The following LRRC10 variants were observed in gnomAD, a reference collection of about 807,000 sequenced individuals.
The protein encoded by LRRC10 is leucine rich repeat containing 10, also known as leucine-rich repeat-containing protein 10.
In LRRC10, 6 loss-of-function variants were observed where a neutral mutation model predicts 11.1. The observed-to-expected ratio is 0.54, with a 90% CI of 0.30 to 1.07. LRRC10 has a LOEUF of 1.07. LRRC10 is among the 50% of genes least tolerant of loss of function. The pLI is 0.07. For missense variants in LRRC10, 320 were observed against 355.5 expected (o/e 0.90, Z 0.80); for synonymous variants, 145 against 153.6 (o/e 0.94, Z 0.41).
Position 69,610,368 on chromosome 12 carries a change from ACG to A in LRRC10, c.469_470del (p.Arg157PhefsTer24). On this transcript the variant is annotated frameshift_variant, in exon 1 of 1. Coordinates refer to ENST00000361484, the MANE Select transcript of LRRC10 (RefSeq NM_201550.4). LOFTEE classifies it high-confidence loss of function. The stretch of plus-strand genomic sequence containing the variant: ...GGCGCCGGAGCTGGCCTGGCAGCAA[ACG>A]CAGGGCGTTGGAGCCGGCATGCAGA... ...KTLHAGSNALRLLPGQLRRLQ... is the reference protein window; with the variant it reads ...KTLHAGSNALXLLPGQLRRLQ... The A allele has an allele frequency of 6.2e-7, 1 of 1,613,498 alleles. No homozygotes were observed. The highest frequency in any genetic ancestry group is 8.5e-7 in the Non-Finnish European group (1 of 1,179,720).
Position 69,609,941 on chromosome 12 carries a change from A to G in LRRC10, c.*64T>C. On this transcript the variant is annotated 3_prime_UTR_variant, in exon 1 of 1. Transcript: ENST00000361484. ...GACCCAGAGCCATCCTTTCCACTCCAATGGAGAGGCTTCCAGAACATGCTG... is the reference window on the plus strand; with the variant it reads ...GACCCAGAGCCATCCTTTCCACTCCGATGGAGAGGCTTCCAGAACATGCTG... 6.6e-7 allele frequency: 1 copy of G among 1,512,664 alleles called. No individual in the cohort carries two copies. Among genetic ancestry groups the G allele is most frequent in the Non-Finnish European group, 9.0e-7 (1 of 1,107,398 alleles). The allele number at this position is 1,512,664 out of a possible 1,614,324, so 93.7% of individuals were successfully genotyped here.
In LRRC10 at chr12:69,610,064, T is replaced by C. The variant is rs959278546; in HGVS notation, c.775A>G (p.Arg259Gly). 2.5e-6 allele frequency: 4 copies of C among 1,614,144 alleles called. No individual in the cohort carries two copies. Among genetic ancestry groups the C allele is most frequent in the African/African-American group, 2.7e-5 (2 of 74,948 alleles). ...PRKARRYALVREESQELQAPV... is the reference protein window; with the variant it reads ...PRKARRYALVGEESQELQAPV... Reference sequence around the variant, plus strand: ...GCCTGTAGCTCCTGGCTTTCCTCTCTGACCAACGCATAGCGCCTGGCTTTT... The same window carrying C: ...GCCTGTAGCTCCTGGCTTTCCTCTCCGACCAACGCATAGCGCCTGGCTTTT... Residue 259 changes from arginine (R) to glycine (G), a missense_variant, in exon 1 of 1, where the codon AGA becomes GGA. Coordinates refer to ENST00000361484, the MANE Select transcript of LRRC10 (RefSeq NM_201550.4).
At position 69,610,206 on chromosome 12, in the gene LRRC10, C is replaced by G; in HGVS notation, c.633G>C (p.Leu211=). ...CATAGATGACCAGCTTCAGACTTGA[C>G]AGGTGCGCCAGGCTGGGGAAGTAAC... The part of the protein sequence containing the change: ...SIRYFPSLAH[L]SSLKLVIYDH... Residue 211 remains leucine, a synonymous_variant, in exon 1 of 1, where the codon CTG becomes CTC. Transcript: ENST00000361484. The G allele has an allele frequency of 6.2e-7, 1 of 1,614,224 alleles. No homozygotes were observed. The highest frequency in any genetic ancestry group is 8.5e-7 in the Non-Finnish European group (1 of 1,180,048).
chr12:69,610,026 T>C lies in LRRC10; in HGVS notation c.813A>G (p.Leu271=), dbSNP rs550818805. 2 of 1,614,142 alleles carry C rather than the reference T, an allele frequency of 1.2e-6. No homozygotes were observed. The highest frequency in any genetic ancestry group is 2.7e-5 in the African/African-American group (2 of 75,046). Reference sequence around the variant, plus strand: ...CTCCTCAGGAGTTGGTAGGAGGAAGTAGAGGGACTGGTGCCTGTAGCTCCT... The same window carrying C: ...CTCCTCAGGAGTTGGTAGGAGGAAGCAGAGGGACTGGTGCCTGTAGCTCCT... The part of the protein sequence containing the change: ...ESQELQAPVP[L]LPPTNS The change falls in exon 1 of 1, where the codon CTA becomes CTG. Residue 271 remains leucine, a synonymous_variant. Transcript: ENST00000361484.
Position 69,610,218 on chromosome 12 carries a change from G to T in LRRC10, c.621C>A (p.Ser207Arg). Residue 207 changes from serine to arginine, a missense_variant, in exon 1 of 1, where the codon AGC becomes AGA. Coordinates refer to ENST00000361484, the MANE Select transcript of LRRC10 (RefSeq NM_201550.4). ...VDWNSIRYFP[S>R]LAHLSSLKLV... ...GCTTCAGACTTGACAGGTGCGCCAGGCTGGGGAAGTAACGGATGCTGTTCC... is the reference window on the plus strand; with the variant it reads ...GCTTCAGACTTGACAGGTGCGCCAGTCTGGGGAAGTAACGGATGCTGTTCC... The T allele has an allele frequency of 6.2e-7, 1 of 1,614,228 alleles. No individual in the cohort carries two copies. Among genetic ancestry groups the T allele is most frequent in the Non-Finnish European group, 8.5e-7 (1 of 1,180,040 alleles).
In LRRC10 at chr12:69,610,121, A is replaced by G. The variant is rs1278027435; in HGVS notation, c.718T>C (p.Trp240Arg). 1.2e-6 allele frequency: 2 copies of G among 1,614,032 alleles called. No homozygotes were observed. Among genetic ancestry groups the G allele is most frequent in the Admixed American group, 1.7e-5 (1 of 60,000 alleles). Residue 240 changes from tryptophan (W) to arginine (R), a missense_variant, in exon 1 of 1, where the codon TGG becomes CGG. By Grantham distance (101) the Trp-to-Arg change is moderately radical. Transcript: ENST00000361484. Reference protein sequence around the residue: ...VAKGVRRVGRWAEETPEPDPR... With the variant: ...VAKGVRRVGRRAEETPEPDPR... ...TCGGGCTCTGGCGTCTCCTCTGCCC[A>G]TCTCCCCACACGGCGCACACCTTTG...
In LRRC10 at chr12:69,608,818, G is replaced by A. The variant is rs1882314131; in HGVS notation, c.*1187C>T. 6.6e-6 allele frequency: 1 copy of A among 152,218 alleles called. No individual in the cohort carries two copies. Among genetic ancestry groups the A allele is most frequent in the South Asian group, 2.1e-4 (1 of 4,836 alleles). 9.4% of individuals were successfully genotyped at this position (152,218 alleles called of 1,614,324 possible). ...AAACTAACATGCTTCTGGAAATGTG[G>A]TTTTCCTCCAAGGACAGGGATTCAA... On this transcript the variant is annotated 3_prime_UTR_variant, in exon 1 of 1. Transcript: ENST00000361484.
At position 69,610,810 on chromosome 12, in the gene LRRC10, G is replaced by A. The variant is rs201435560; in HGVS notation, c.29C>T (p.Ala10Val). The part of the protein sequence containing the change: MGNTIRALV[A>V]FIPADRCQNY... ...CTGGCAACGGTCAGCAGGGATGAAG[G>A]CCACGAGGGCCCTGATGGTGTTCCC... Residue 10 changes from alanine (A) to valine (V), a missense_variant, in exon 1 of 1, where the codon GCC becomes GTC. Physicochemically the swap from Ala to Val is moderately conservative, Grantham distance 64 (BLOSUM62 0). Transcript: ENST00000361484. 8.4e-5 allele frequency: 136 copies of A among 1,610,590 alleles called. No homozygotes were observed. In the African/African-American group the frequency reaches 1.7e-3, roughly 20 times the overall value.
rs1295404512 is a variant in LRRC10 at position 69,608,738 on chromosome 12, A to G, written c.*1267T>C. On this transcript the variant is annotated 3_prime_UTR_variant, in exon 1 of 1. Coordinates refer to ENST00000361484, the MANE Select transcript of LRRC10 (RefSeq NM_201550.4). ...CTTCCTATATACACTACAACTTCCT[A>G]TTCAAATTTCAAAGTGCTTGTTTCA... The G allele has an allele frequency of 1.3e-5, 2 of 152,242 alleles. No homozygotes were observed. Among genetic ancestry groups the G allele is most frequent in the East Asian group, 3.8e-4 (2 of 5,196 alleles). 9.4% of individuals were successfully genotyped at this position (152,242 alleles called of 1,614,324 possible).
In LRRC10 at chr12:69,610,242, C is replaced by G; in HGVS notation, c.597G>C (p.Trp199Cys). Reference protein sequence around the residue: ...MPFLEVIDVDWNSIRYFPSLA... With the variant: ...MPFLEVIDVDCNSIRYFPSLA... ...GGCTGGGGAAGTAACGGATGCTGTT[C>G]CAGTCCACATCAATCACCTCCAGGA... Residue 199 changes from tryptophan (W) to cysteine (C), a missense_variant, in exon 1 of 1, where the codon TGG (tryptophan) becomes TGC (cysteine). Coordinates refer to ENST00000361484, the MANE Select transcript of LRRC10 (RefSeq NM_201550.4). 1 of 1,614,182 alleles carries G rather than the reference C, an allele frequency of 6.2e-7. No individual in the cohort carries two copies. Among genetic ancestry groups the G allele is most frequent in the Non-Finnish European group, 8.5e-7 (1 of 1,180,032 alleles).
In LRRC10 at chr12:69,610,438, G is replaced by T; in HGVS notation, c.401C>A (p.Thr134Asn). 6.2e-7 allele frequency: 1 copy of T among 1,614,046 alleles called. No homozygotes were observed. The highest frequency in any genetic ancestry group is 8.5e-7 in the Non-Finnish European group (1 of 1,179,976). ...RTLWIEANCL[T>N]QLPDVVCELS... ...CTCACAGACCACATCCGGCAGCTGG[G>T]TGAGGCAGTTGGCCTCGATCCACAG... Residue 134 changes from threonine to asparagine, a missense_variant, in exon 1 of 1, where the codon ACC becomes AAC. By Grantham distance (65) the Thr-to-Asn change is moderately conservative. Transcript: ENST00000361484.
rs1438356003 is a variant in LRRC10, at chr12:69,610,774, A to T, written c.65T>A (p.Val22Asp). The change falls in exon 1 of 1, where the codon GTC (valine) becomes GAC (aspartate). Residue 22 changes from valine (V) to aspartate (D), a missense_variant. Val to Asp is a radical substitution (Grantham distance 152, BLOSUM62 -3). Coordinates refer to ENST00000361484, the MANE Select transcript of LRRC10 (RefSeq NM_201550.4). ...IPADRCQNYV[V>D]RDLREMPLDK... ...CAGCGGCATCTCACGGAGGTCCCTG[A>T]CCACATAGTTCTGGCAACGGTCAGC... 6.2e-7 allele frequency: 1 copy of T among 1,614,066 alleles called. No homozygotes were observed. The highest frequency in any genetic ancestry group is 1.1e-5 in the South Asian group (1 of 91,052).
Position 69,610,059 on chromosome 12 carries a change from C to A in LRRC10, c.780G>T (p.Glu260Asp). Reference protein sequence around the residue: ...RKARRYALVREESQELQAPVP... With the variant: ...RKARRYALVRDESQELQAPVP... ...CTGGTGCCTGTAGCTCCTGGCTTTC[C>A]TCTCTGACCAACGCATAGCGCCTGG... is the stretch of plus-strand genomic sequence containing the variant. The change falls in exon 1 of 1, where the codon GAG becomes GAT. Residue 260 changes from glutamate to aspartate, a missense_variant. Glu to Asp is a conservative substitution (Grantham distance 45). Transcript: ENST00000361484. 1 of 1,614,212 alleles carries A rather than the reference C, an allele frequency of 6.2e-7. No homozygotes were observed. Among genetic ancestry groups the A allele is most frequent in the Non-Finnish European group, 8.5e-7 (1 of 1,180,046 alleles).
rs768474367 is a variant in LRRC10 at position 69,610,793 on chromosome 12, G to A, written c.46C>T (p.Arg16Cys). ...TCCCTGACCACATAGTTCTGGCAACGGTCAGCAGGGATGAAGGCCACGAGG... is the reference window on the plus strand; with the variant it reads ...TCCCTGACCACATAGTTCTGGCAACAGTCAGCAGGGATGAAGGCCACGAGG... ...RALVAFIPAD[R>C]CQNYVVRDLR... Residue 16 changes from arginine to cysteine, a missense_variant, in exon 1 of 1, where the codon CGT (arginine) becomes TGT (cysteine). Physicochemically the swap from Arg to Cys is radical, Grantham distance 180 (BLOSUM62 -3). Coordinates refer to ENST00000361484, the MANE Select transcript of LRRC10 (RefSeq NM_201550.4). 28 of 1,613,328 alleles carry A rather than the reference G, an allele frequency of 1.7e-5. 1 individual carries two copies. Among genetic ancestry groups the A allele is most frequent in the Admixed American group, 3.3e-5 (2 of 59,928 alleles).
Position 69,610,146 on chromosome 12 carries a change from G to A in LRRC10, c.693C>T (p.Ala231=), listed in dbSNP as rs752141546. The change falls in exon 1 of 1, where the codon GCC becomes GCT. Residue 231 remains alanine (A), a synonymous_variant. Coordinates refer to ENST00000361484, the MANE Select transcript of LRRC10 (RefSeq NM_201550.4). ...ATCTCCCCACACGGCGCACACCTTTGGCCACCTTGGGTGCGTTCCTGCAAG... is the reference window on the plus strand; with the variant it reads ...ATCTCCCCACACGGCGCACACCTTTAGCCACCTTGGGTGCGTTCCTGCAAG... ...HNPCRNAPKV[A]KGVRRVGRWA... 1 of 1,614,206 alleles carries A rather than the reference G, an allele frequency of 6.2e-7. No individual in the cohort carries two copies. Among genetic ancestry groups the A allele is most frequent in the East Asian group, 2.2e-5 (1 of 44,886 alleles).
In LRRC10 at chr12:69,610,144, T is replaced by G. The variant is rs767025007; in HGVS notation, c.695A>C (p.Lys232Thr). 2 of 1,614,202 alleles carry G rather than the reference T, an allele frequency of 1.2e-6. No individual in the cohort carries two copies. The highest frequency in any genetic ancestry group is 1.1e-5 in the South Asian group (1 of 91,082). ...NPCRNAPKVA[K>T]GVRRVGRWAE... ...CCATCTCCCCACACGGCGCACACCTTTGGCCACCTTGGGTGCGTTCCTGCA... is the reference window on the plus strand; with the variant it reads ...CCATCTCCCCACACGGCGCACACCTGTGGCCACCTTGGGTGCGTTCCTGCA... The change falls in exon 1 of 1, where the codon AAA becomes ACA. Residue 232 changes from lysine (K) to threonine (T), a missense_variant. Coordinates refer to ENST00000361484, the MANE Select transcript of LRRC10 (RefSeq NM_201550.4).
At position 69,610,632 on chromosome 12, in the gene LRRC10, C is replaced by T. The variant is rs200277583; in HGVS notation, c.207G>A (p.Pro69=). 5.9e-5 allele frequency: 96 copies of T among 1,613,948 alleles called. No individual in the cohort carries two copies. Among genetic ancestry groups the T allele is most frequent in the Non-Finnish European group, 7.5e-5 (89 of 1,180,048 alleles). The stretch of plus-strand genomic sequence containing the variant: ...GCAGGTTCTGTAGCTGCCCCAGCTC[C>T]GGAGGCAGGCTATTGAGGTGGTTGT... ...LSDNHLNSLP[P]ELGQLQNLQI... is the part of the protein sequence containing the mutation. The change falls in exon 1 of 1, where the codon CCG becomes CCA. Residue 69 remains proline, a synonymous_variant. Transcript: ENST00000361484.
At position 69,609,707 on chromosome 12, in the gene LRRC10, C is replaced by T; in HGVS notation, c.*298G>A. On this transcript the variant is annotated 3_prime_UTR_variant, in exon 1 of 1. Coordinates refer to ENST00000361484, the MANE Select transcript of LRRC10 (RefSeq NM_201550.4). Reference sequence around the variant, plus strand: ...AGTGCAGGAGTTCAGAGTGTCCCAGCCCCTTTTGCTCTTCAGTGTTTCAAA... The same window carrying T: ...AGTGCAGGAGTTCAGAGTGTCCCAGTCCCTTTTGCTCTTCAGTGTTTCAAA... 2.5e-6 allele frequency: 1 copy of T among 400,144 alleles called. No homozygotes were observed. 24.8% of individuals were successfully genotyped at this position (400,144 alleles called of 1,614,324 possible). A position where few individuals can be genotyped will look rare whatever the true frequency, so the allele number is the denominator to read the frequency against.
In LRRC10 at chr12:69,610,284, C is replaced by G. The variant is rs1882350180; in HGVS notation, c.555G>C (p.Val185=). ...SGNRLTDFPT[V]LLHMPFLEVI... is the part of the protein sequence containing the mutation. ...CCTCCAGGAAGGGCATGTGAAGCAG[C>G]ACAGTGGGAAAGTCAGTTAGCCGGT... Residue 185 remains valine, a synonymous_variant, in exon 1 of 1, where the codon GTG becomes GTC. Transcript: ENST00000361484. The G allele has an allele frequency of 1.2e-6, 2 of 1,613,564 alleles. No homozygotes were observed. The highest frequency in any genetic ancestry group is 3.3e-5 in the Admixed American group (2 of 60,020).
Sources: gnomAD v4.1 joint callset for allele counts on GRCh38, gnomAD v4.1.1 for gene constraint, MANE v1.5 for transcripts, NCBI Gene and HGNC (gene_info 2026-07-23, HGNC 2026-07-21) for gene names.